CHD9: variants seen among roughly 807,000 people sequenced by gnomAD.
CHD9 encodes the protein ATP-dependent chromatin remodeler CHD9.
CHD9 carries 77 observed loss-of-function variants against 316.1 expected under a neutral mutation model. That is an observed-to-expected ratio of 0.24 (90% CI 0.20 to 0.29). CHD9 has a LOEUF of 0.29. Ranked by LOEUF, CHD9 falls within the 10% of genes least tolerant of loss-of-function variation. The pLI is 1.00. For synonymous variants in CHD9, 1,129 were observed against 1,158.3 expected, an observed-to-expected ratio of 0.97 and a Z score of 0.51; for missense variants, 2,763 against 3,438.1, an observed-to-expected ratio of 0.80 and a Z score of 4.91.
At position 53,326,392 on chromosome 16, in the gene CHD9, T is replaced by C. The variant is rs1299616272; in HGVS notation, c.*1497T>C. ...CAGTTCTCTCCTACAGAAAAAATAC[T>C]TTCAGTATGTTTTGATAAAACTGTT... is the stretch of plus-strand genomic sequence containing the variant. On this transcript the variant is annotated 3_prime_UTR_variant, in exon 39 of 39. Coordinates refer to ENST00000447540, the MANE Select transcript of CHD9 (RefSeq NM_001308319.2). The C allele has an allele frequency of 3.9e-5, 6 of 152,508 alleles. No homozygotes were observed. The allele number at this position is 152,508 out of a possible 1,614,324, so 9.4% of individuals were successfully genotyped here.
intron 1 of CHD9, among the ~76,000 whole-genome samples, chr16:53,132,105 T>G (rs568839152): frequency 3.2e-4 from 49 of 151,208 alleles, no homozygotes; most frequent in African/African-American, 8.5e-4. Flanking sequence ...AAATTTTTTT[T>G]GGGGGGGGTG....
At chr16:53,314,685 A>T in intron 35 of CHD9, 138 bp from the exon 36 acceptor site, 1 of 1,006,688 alleles carries the variant, frequency 9.9e-7, no homozygotes, top group Non-Finnish European at 1.4e-6. Flanking sequence ...CAAGAGTGAT[A>T]AAAATTTTAA....
chr16:53,273,024 G>A (rs139644573), intron 22 of CHD9, among the ~76,000 whole-genome samples: 47 of 152,166 alleles, frequency 3.1e-4, no homozygotes, highest in African/African-American at 1.1e-3. Flanking sequence ...AGAAGGCAGA[G>A]GTTGCAGTGA....
chr16:53,270,123 T>C (rs1002544929), intron 22 of CHD9, among the ~76,000 whole-genome samples: 1 of 151,148 alleles, frequency 6.6e-6, no homozygotes, highest in Non-Finnish European at 1.5e-5. Flanking sequence ...TCCTCCCCTA[T>C]AGCTGGGAGT....
chr16:53,248,163 TA>T (rs11321026), intron 16 of CHD9: 46,461 of 142,324 alleles, frequency 0.33, 7,295 homozygotes, highest in Middle Eastern at 0.39. Flanking sequence ...ACGTCTCTAC[TA>T]AAAAAAAAAA....
intron 19 of CHD9, 102 bp from the exon 20 acceptor site, chr16:53,262,885 A>C: frequency 1.1e-6 from 1 of 904,546 alleles, no homozygotes; most frequent in Middle Eastern, 2.2e-4. Flanking sequence ...TTGATGTATG[A>C]GTATGCAGAA....
At chr16:53,189,522 G>A (rs111907158) in intron 2 of CHD9, among the ~76,000 whole-genome samples, 5,103 of 151,414 alleles carry the variant, frequency 0.034, 282 homozygotes, top group African/African-American at 0.12. Context: ...TCGATGGTAT[G>A]TATCTCTCTC....
chr16:53,057,741 T>C (rs2032335366), intron 1 of CHD9, among the ~76,000 whole-genome samples: 1 of 152,206 alleles, frequency 6.6e-6, no homozygotes, highest in Non-Finnish European at 1.5e-5. Context: ...CATATATGGA[T>C]GCACGTAGAA....
intron 1 of CHD9, among the ~76,000 whole-genome samples, chr16:53,124,828 T>A (rs1226061304): frequency 6.6e-6 from 1 of 151,696 alleles, no homozygotes; most frequent in Non-Finnish European, 1.5e-5. Context: ...CCCACCCTCA[T>A]GATTTAATTA....
chr16:53,139,115 GAGATAGATACAA>G (rs1395206735), intron 1 of CHD9, among the ~76,000 whole-genome samples: 2 of 151,656 alleles, frequency 1.3e-5, no homozygotes, highest in Non-Finnish European at 2.9e-5. Flanking sequence ...GAAGAAAGAA[GAGATAGATACAA>G]AGATAGATAT....
At chr16:53,209,276 C>A (rs1426185618) in intron 2 of CHD9, among the ~76,000 whole-genome samples, 1 of 152,122 alleles carries the variant, frequency 6.6e-6, no homozygotes, top group African/African-American at 2.4e-5. Flanking sequence ...TCTTCTTTAA[C>A]CTTCATTTTT....
chr16:53,314,432 T>C lies in CHD9; in HGVS notation c.7278T>C (p.Pro2426=), dbSNP rs750403182. Residue 2426 remains proline (P), a synonymous_variant, in exon 35 of 39, where the codon CCT becomes CCC. Transcript: ENST00000447540. ...ATGGTGTGATATTAGACAACCAGCCTATAGTCAAAAAAAGGCGAGGAAGGA... is the reference window on the plus strand; with the variant it reads ...ATGGTGTGATATTAGACAACCAGCCCATAGTCAAAAAAAGGCGAGGAAGGA... ...GANGVILDNQ[P]IVKKRRGRRK... is the part of the protein sequence containing the mutation. The C allele has an allele frequency of 3.1e-6, 5 of 1,589,888 alleles. No individual in the cohort carries two copies. The highest frequency in any genetic ancestry group is 1.7e-4 in the Middle Eastern group (1 of 6,046).
At chr16:53,207,561 G>A (rs1027750615) in intron 2 of CHD9, among the ~76,000 whole-genome samples, 11 of 152,052 alleles carry the variant, frequency 7.2e-5, no homozygotes, top group Admixed American at 6.5e-4. Flanking sequence ...TTAGCTTTTT[G>A]TTAGAAAAAT....
chr16:53,268,094 A>G lies in CHD9; in HGVS notation c.4685A>G (p.Asp1562Gly). Reference sequence around the variant, plus strand: ...TGGGATCTCATTACTCCAACTGAAGATGGACAGACACGAGAGCTACAGAAT... The same window carrying G: ...TGGGATCTCATTACTCCAACTGAAGGTGGACAGACACGAGAGCTACAGAAT... ...FIWDLITPTE[D>G]GQTRELQNHL... The change falls in exon 22 of 39, where the codon GAT becomes GGT. Residue 1562 changes from aspartate (D) to glycine (G), a missense_variant. Physicochemically the swap from Asp to Gly is moderately conservative, Grantham distance 94 (BLOSUM62 -1). This residue lies in a region of CHD9 where 99 missense variants were observed against 131.6 expected (regional missense o/e 0.75). Coordinates refer to ENST00000447540, the MANE Select transcript of CHD9 (RefSeq NM_001308319.2). 6.2e-7 allele frequency: 1 copy of G among 1,611,734 alleles called. No individual in the cohort carries two copies. Among genetic ancestry groups the G allele is most frequent in the Middle Eastern group, 1.7e-4 (1 of 6,056 alleles).
At chr16:53,139,918 C>T (rs1236494400) in intron 1 of CHD9, among the ~76,000 whole-genome samples, 1 of 151,276 alleles carries the variant, frequency 6.6e-6, no homozygotes, top group African/African-American at 2.4e-5. Context: ...GACAACATGG[C>T]GAAACCCTGG....
chr16:53,227,884 G>C (rs1597522020), intron 7 of CHD9, among the ~76,000 whole-genome samples: 2 of 152,080 alleles, frequency 1.3e-5, no homozygotes, highest in African/African-American at 4.8e-5. Flanking sequence ...AAGAGATCGA[G>C]ACCATCCTGG....
At chr16:53,212,007 A>C (rs893293550) in intron 3 of CHD9, among the ~76,000 whole-genome samples, 2 of 152,162 alleles carry the variant, frequency 1.3e-5, no homozygotes, top group Admixed American at 1.3e-4. Flanking sequence ...TTATTTTTCT[A>C]TTAATTTTAG....
intron 2 of CHD9, among the ~76,000 whole-genome samples, chr16:53,159,394 TTAATG>T (rs1320087014): frequency 6.6e-6 from 1 of 152,210 alleles, no homozygotes; most frequent in African/African-American, 2.4e-5. Context: ...TAATAAAAAA[TTAATG>T]TAATATTTTA....
chr16:53,170,719 A>G (rs907784650), intron 2 of CHD9, among the ~76,000 whole-genome samples: 7 of 151,838 alleles, frequency 4.6e-5, no homozygotes, highest in African/African-American at 1.7e-4. Flanking sequence ...CTTACTTAGT[A>G]TTTTATTTAA....
Sources: gnomAD v4.1 joint callset for allele counts (sites outside exome capture counted in the v4.1 genomes callset) on GRCh38, gnomAD v4.1.1 for gene constraint, gnomAD v4.1.1 regional missense constraint, MANE v1.5 for transcripts, NCBI Gene and HGNC (gene_info 2026-07-23, HGNC 2026-07-21) for gene names.